Variants in SMIM13 observed in about 807,000 individuals in gnomAD.
SMIM13 encodes the protein small integral membrane protein 13.
In SMIM13, 3 loss-of-function variants were observed where a neutral mutation model predicts 5.9. The ratio of observed to expected loss-of-function variants is 0.51; its 90% CI spans 0.23 to 1.31. The LOEUF (loss-of-function observed/expected upper bound fraction) is 1.31. SMIM13 is among the 40% of genes most tolerant of loss of function. SMIM13 has a pLI of 0.18. For missense variants in SMIM13, 85 were observed against 109.9 expected (o/e 0.77, Z 1.01); for synonymous variants, 55 against 46.0 (o/e 1.19, Z -0.79).
chr6:11,100,442 A>G (rs1349823177), intron 1 of SMIM13, among the ~76,000 whole-genome samples: 1 of 152,070 alleles, frequency 6.6e-6, no homozygotes, highest in African/African-American at 2.4e-5. Flanking sequence ...ACGTGTTCAA[A>G]TGGATTGCTT....
At chr6:11,130,556 A>G (rs1758440638) in intron 1 of SMIM13, among the ~76,000 whole-genome samples, 2 of 152,200 alleles carry the variant, frequency 1.3e-5, no homozygotes, top group Non-Finnish European at 2.9e-5. Context: ...GATAGTAGCC[A>G]TAACTTGCCT....
intron 1 of SMIM13, among the ~76,000 whole-genome samples, chr6:11,130,980 T>G (rs1300680339): frequency 6.6e-6 from 1 of 152,160 alleles, no homozygotes; most frequent in East Asian, 1.9e-4. Context: ...AACTATCAGT[T>G]TTTAGAAAGA....
chr6:11,132,867 T>A (rs557502547), intron 1 of SMIM13, among the ~76,000 whole-genome samples: 1 of 152,272 alleles, frequency 6.6e-6, no homozygotes, highest in South Asian at 2.1e-4. Context: ...TGTACAATCT[T>A]GTGGATATAC....
At chr6:11,095,233 A>G (rs1757907339) in intron 1 of SMIM13, among the ~76,000 whole-genome samples, 1 of 152,250 alleles carries the variant, frequency 6.6e-6, no homozygotes. Context: ...TACAGATACT[A>G]TAGGGCTTGT....
chr6:11,123,598 C>A (rs1223143923), intron 1 of SMIM13, among the ~76,000 whole-genome samples: 2 of 152,136 alleles, frequency 1.3e-5, no homozygotes, highest in African/African-American at 4.8e-5. Flanking sequence ...AACTGAATAA[C>A]AATTTGGCCA....
At chr6:11,127,864 C>G (rs778012095) in intron 1 of SMIM13, among the ~76,000 whole-genome samples, 4 of 152,174 alleles carry the variant, frequency 2.6e-5, no homozygotes, top group Non-Finnish European at 4.4e-5. Flanking sequence ...AGCCATATCA[C>G]TCAGTTAGCT....
intron 1 of SMIM13, among the ~76,000 whole-genome samples, chr6:11,114,840 T>C (rs1337658487): frequency 6.6e-6 from 1 of 152,104 alleles, no homozygotes; most frequent in African/African-American, 2.4e-5. Flanking sequence ...CCTCAAGTGA[T>C]CCACCTACCT....
chr6:11,121,144 G>A (rs1229705847), intron 1 of SMIM13, among the ~76,000 whole-genome samples: 1 of 152,168 alleles, frequency 6.6e-6, no homozygotes, highest in Non-Finnish European at 1.5e-5. Context: ...CGATACTGAA[G>A]CAAGACATAA....
chr6:11,126,208 C>G (rs1758374878), intron 1 of SMIM13, among the ~76,000 whole-genome samples: 1 of 152,188 alleles, frequency 6.6e-6, no homozygotes, highest in African/African-American at 2.4e-5. Flanking sequence ...TGCCACCACA[C>G]CCAGCTAATT....
intron 1 of SMIM13, among the ~76,000 whole-genome samples, chr6:11,124,045 TAA>T (rs1758345607): frequency 6.6e-6 from 1 of 152,222 alleles, no homozygotes; most frequent in African/African-American, 2.4e-5. Flanking sequence ...AAATGTACAG[TAA>T]GTTATTGTTG....
At chr6:11,094,778 T>TCAC (rs1447292864) in intron 1 of SMIM13, among the ~76,000 whole-genome samples, 1 of 152,188 alleles carries the variant, frequency 6.6e-6, no homozygotes, top group Non-Finnish European at 1.5e-5. Flanking sequence ...ATGAGAGGTG[T>TCAC]CACCTTCGTT....
intron 1 of SMIM13, among the ~76,000 whole-genome samples, chr6:11,118,279 G>A (rs151093012): frequency 1.3e-5 from 2 of 152,318 alleles, no homozygotes; most frequent in East Asian, 3.9e-4. Flanking sequence ...GTTGAGGGTT[G>A]TTTGGTACTT....
At chr6:11,111,314 A>G (rs1171319177) in intron 1 of SMIM13, among the ~76,000 whole-genome samples, 1 of 152,238 alleles carries the variant, frequency 6.6e-6, no homozygotes, top group Non-Finnish European at 1.5e-5. Flanking sequence ...GAATACATAC[A>G]GAGAAAGGAA....
intron 1 of SMIM13, among the ~76,000 whole-genome samples, chr6:11,100,122 G>C (rs189866046): frequency 6.6e-6 from 1 of 151,852 alleles, no homozygotes; most frequent in African/African-American, 2.4e-5. Context: ...GTCCAGTGGC[G>C]TGATCTCGGC....
At chr6:11,105,852 G>T (rs1305369501) in intron 1 of SMIM13, among the ~76,000 whole-genome samples, 1 of 152,136 alleles carries the variant, frequency 6.6e-6, no homozygotes, top group African/African-American at 2.4e-5. Context: ...GATTTTAGCA[G>T]TTTCTTCATC....
chr6:11,129,758 G>A (rs1046436116), intron 1 of SMIM13, among the ~76,000 whole-genome samples: 5 of 152,088 alleles, frequency 3.3e-5, no homozygotes, highest in Non-Finnish European at 5.9e-5. Flanking sequence ...TTCAGGTAGT[G>A]TGATGCCTCC....
chr6:11,094,683 C>T (rs1412631407), intron 1 of SMIM13, among the ~76,000 whole-genome samples: 1 of 152,212 alleles, frequency 6.6e-6, no homozygotes, highest in Non-Finnish European at 1.5e-5. Context: ...TCACCACAGG[C>T]TGCCCAGATT....
intron 1 of SMIM13, among the ~76,000 whole-genome samples, chr6:11,114,745 T>C (rs977768223): frequency 6.6e-6 from 1 of 150,904 alleles, no homozygotes; most frequent in African/African-American, 2.5e-5. Flanking sequence ...ATTACAGGCG[T>C]GTACCACCAC....
intron 1 of SMIM13, chr6:11,104,793 G>A: frequency 6.2e-7 from 1 of 1,614,184 alleles, no homozygotes; most frequent in South Asian, 1.1e-5. Context: ...TGGAGGTTTG[G>A]GGAATCTTGG....
Sources: gnomAD v4.1 joint callset for allele counts (sites outside exome capture counted in the v4.1 genomes callset) on GRCh38, gnomAD v4.1.1 for gene constraint, MANE v1.5 for transcripts, NCBI Gene and HGNC (gene_info 2026-07-23, HGNC 2026-07-21) for gene names.